The following WNT7B variants were observed in gnomAD, a reference collection of about 807,000 sequenced individuals.
WNT7B encodes Wnt family member 7B, also known as protein Wnt-7b.
A neutral mutation model predicts 38.2 loss-of-function variants in WNT7B; 19 were observed. That is an observed-to-expected ratio of 0.50 (90% CI 0.35 to 0.73). The LOEUF (loss-of-function observed/expected upper bound fraction) is 0.73, where lower values mean the gene tolerates loss of function less well. Among genes scored for constraint, WNT7B ranks in the 30% least tolerant of loss-of-function variants. WNT7B has a pLI of 0.01. For missense variants in WNT7B, 423 were observed against 507.9 expected, an observed-to-expected ratio of 0.83 and a Z score of 1.61; for synonymous variants, 243 against 209.3, an observed-to-expected ratio of 1.16 and a Z score of -1.39.
Position 45,966,301 on chromosome 22 carries a change from T to C in WNT7B, c.71+10383A>G, listed in dbSNP as rs1021900236. Among the ~76,000 whole-genome samples the C allele has an allele frequency of 2.6e-5, 4 of 152,228 alleles. No homozygotes were observed. Among genetic ancestry groups the C allele is most frequent in the African/African-American group, 9.6e-5 (4 of 41,460 alleles). On this transcript the variant is annotated intron_variant, in intron 1 of 3. Transcript: ENST00000339464. This position sits in a 1 kb window ranked among gnomAD's most constrained non-coding sequence, Gnocchi z 4.2. ...TGCCATCTGTCTCACCACGTGGGAC[T>C]GCGCGGGCCTAAGTCTCAGCTCTGG...
intron 1 of WNT7B, among the ~76,000 whole-genome samples, chr22:45,958,685 C>A (rs1269346916): frequency 6.6e-6 from 1 of 152,194 alleles, no homozygotes; most frequent in Admixed American, 6.5e-5. Flanking sequence ...AGGGAGCGAG[C>A]ACGGCTGGAA....
In WNT7B at chr22:45,976,765, G is replaced by T. The variant is rs765199081; in HGVS notation, c.-11C>A. The T allele has an allele frequency of 1.4e-5, 23 of 1,603,364 alleles. No individual in the cohort carries two copies. Among genetic ancestry groups the T allele is most frequent in the Middle Eastern group, 1.7e-4 (1 of 6,030 alleles). On this transcript the variant is annotated 5_prime_UTR_variant, in exon 1 of 4. Transcript: ENST00000339464. This position sits in a 1 kb window ranked among gnomAD's most constrained non-coding sequence, Gnocchi z 8.5. ...AAAGTTTCTGTGCATGATCCAGGGAGGGGGGCTGCGCCATAGACAGCGGCG... is the reference window on the plus strand; with the variant it reads ...AAAGTTTCTGTGCATGATCCAGGGATGGGGGCTGCGCCATAGACAGCGGCG...
At chr22:45,950,255 TCCG>T in intron 1 of WNT7B, 109 bp from the exon 2 acceptor site, 1 of 929,278 alleles carries the variant, frequency 1.1e-6, no homozygotes, top group Non-Finnish European at 1.7e-6. Context: ...CTGCACTAGC[TCCG>T]CCCACCAGGG....
intron 1 of WNT7B, among the ~76,000 whole-genome samples, chr22:45,969,968 C>T (rs898028951): frequency 1.1e-4 from 16 of 152,222 alleles, no homozygotes; most frequent in Admixed American, 9.2e-4. Context: ...CTGGCTGCCT[C>T]CCCCAAGTGC....
At chr22:45,942,961 ATGTG>A (rs551082401) in intron 2 of WNT7B, among the ~76,000 whole-genome samples, 1 of 142,774 alleles carries the variant, frequency 7.0e-6, no homozygotes, top group Non-Finnish European at 1.5e-5. Context: ...TGCAGTGTGC[ATGTG>A]TGTGTGCGTG....
At chr22:45,963,190 C>G (rs1292321726) in intron 1 of WNT7B, among the ~76,000 whole-genome samples, 1 of 152,234 alleles carries the variant, frequency 6.6e-6, no homozygotes, top group African/African-American at 2.4e-5. Context: ...CAGCCCCACA[C>G]AGGTCATCTG....
In WNT7B at chr22:45,931,176, C is replaced by A; in HGVS notation, c.492G>T (p.Arg164=). 1.3e-6 allele frequency: 2 copies of A among 1,599,654 alleles called. No individual in the cohort carries two copies. Among genetic ancestry groups the A allele is most frequent in the African/African-American group, 2.7e-5 (2 of 75,056 alleles). Residue 164 remains arginine (R), a synonymous_variant, in exon 3 of 4, where the codon CGG becomes CGT. Transcript: ENST00000339464. ...ADVRYGIDFS[R]RFVDAREIKK... is the part of the protein sequence containing the mutation. ...TGATCTCCCGAGCGTCCACGAAGCG[C>A]CGGGAGAAGTCGATGCCGTAACGCA... is the stretch of plus-strand genomic sequence containing the variant.
intron 1 of WNT7B, among the ~76,000 whole-genome samples, chr22:45,968,593 G>A (rs145674200): frequency 1.7e-4 from 26 of 152,298 alleles, no homozygotes; most frequent in Middle Eastern, 3.4e-3. Flanking sequence ...GGAGTCCAGC[G>A]TCACCCCAGG....
Position 45,950,584 on chromosome 22 carries a change from TC to T in WNT7B, c.72-439del, listed in dbSNP as rs556336179. Among the ~76,000 whole-genome samples the T allele has an allele frequency of 6.6e-5, 10 of 152,270 alleles. No homozygotes were observed. The South Asian group carries it at 2.1e-3, about 32-fold the overall frequency. On this transcript the variant is annotated intron_variant, in intron 1 of 3. Coordinates refer to ENST00000339464, the MANE Select transcript of WNT7B (RefSeq NM_058238.3). ...TGGGGCTTTCCCCTCATTTATAAAT[TC>T]CCCGATGGCCCCTCCATGGCACCTG... is the stretch of plus-strand genomic sequence containing the variant.
intron 3 of WNT7B, among the ~76,000 whole-genome samples, chr22:45,927,725 A>G (rs1368120810): frequency 1.3e-5 from 2 of 149,696 alleles, no homozygotes; most frequent in African/African-American, 2.5e-5. Flanking sequence ...GTGAAGCCCC[A>G]TCTCTACTAA....
At position 45,975,197 on chromosome 22, in the gene WNT7B, G is replaced by A. The variant is rs1446599307; in HGVS notation, c.71+1487C>T. 1.2e-4 allele frequency among the ~76,000 whole-genome samples: 19 copies of A among 152,158 alleles called. No homozygotes were observed. Among genetic ancestry groups the A allele is most frequent in the Non-Finnish European group, 1.5e-5 (1 of 68,010 alleles). On this transcript the variant is annotated intron_variant, in intron 1 of 3. Coordinates refer to ENST00000339464, the MANE Select transcript of WNT7B (RefSeq NM_058238.3). The surrounding 1 kb of genome is among the most constrained non-coding windows in gnomAD (Gnocchi z 6.6). ...ACTACTCTAGGGGTGCCAGGAGGGGGAAGGCCTCAGCGCTGAGAATCAGGC... is the reference window on the plus strand; with the variant it reads ...ACTACTCTAGGGGTGCCAGGAGGGGAAAGGCCTCAGCGCTGAGAATCAGGC...
chr22:45,928,835 C>G (rs1409319054), intron 3 of WNT7B, among the ~76,000 whole-genome samples: 1 of 151,120 alleles, frequency 6.6e-6, no homozygotes, highest in Non-Finnish European at 1.5e-5. Flanking sequence ...ACCCGGCCAT[C>G]CTGGCCCTGG....
At chr22:45,942,861 G>GTT (rs953361038) in intron 2 of WNT7B, among the ~76,000 whole-genome samples, 2 of 151,662 alleles carry the variant, frequency 1.3e-5, no homozygotes, top group Admixed American at 1.3e-4. Context: ...GGTGCTGTGT[G>GTT]TGTGTGTGTG....
At chr22:45,923,436 C>G in intron 3 of WNT7B, 101 bp from the exon 4 acceptor site, 3 of 1,464,408 alleles carry the variant, frequency 2.0e-6, no homozygotes, top group South Asian at 2.8e-5. Flanking sequence ...GCCCGCTCCT[C>G]CCCTTGGGCT....
chr22:45,925,575 T>C, intron 3 of WNT7B: 1 of 985,214 alleles, frequency 1.0e-6, no homozygotes, highest in Non-Finnish European at 1.2e-6. Context: ...CCCTGCCTCC[T>C]GTCCCTCTCC....
chr22:45,966,978 A>G lies in WNT7B; in HGVS notation c.71+9706T>C, dbSNP rs899850650. ...GAGAACTCACTGCCTCTCTGCCAAC[A>G]GTGGAGCTGACCCAAGCCTCAGGAC... On this transcript the variant is annotated intron_variant, in intron 1 of 3. Transcript: ENST00000339464. The surrounding 1 kb of genome is among the most constrained non-coding windows in gnomAD (Gnocchi z 4.2). 3.9e-5 allele frequency among the ~76,000 whole-genome samples: 6 copies of G among 152,140 alleles called. No homozygotes were observed. The highest frequency in any genetic ancestry group is 7.3e-5 in the Non-Finnish European group (5 of 68,028).
At chr22:45,963,018 C>T (rs1406879058) in intron 1 of WNT7B, among the ~76,000 whole-genome samples, 1 of 152,200 alleles carries the variant, frequency 6.6e-6, no homozygotes, top group African/African-American at 2.4e-5. Flanking sequence ...GCCGAGCCAC[C>T]ACCTCTCTGC....
Position 45,951,328 on chromosome 22 carries a change from C to T in WNT7B, c.72-1182G>A, listed in dbSNP as rs1024364138. Among the ~76,000 whole-genome samples the T allele has an allele frequency of 2.1e-4, 32 of 152,014 alleles. No individual in the cohort carries two copies. The highest frequency in any genetic ancestry group is 6.0e-4 in the African/African-American group (25 of 41,372). On this transcript the variant is annotated intron_variant, in intron 1 of 3. Transcript: ENST00000339464. The surrounding 1 kb of genome is among the most constrained non-coding windows in gnomAD (Gnocchi z 4.8). ...CTGACCTCAGGTCATCTGCCCGCCT[C>T]GGCCTCCCAAAATGCTGGGATTACA...
chr22:45,937,764 C>A (rs984260288), intron 2 of WNT7B, among the ~76,000 whole-genome samples: 1 of 152,232 alleles, frequency 6.6e-6, no homozygotes, highest in Non-Finnish European at 1.5e-5. Flanking sequence ...CCCAGCAGCA[C>A]TTTGGAAGGC....
Sources: gnomAD v4.1 joint callset for allele counts (sites outside exome capture counted in the v4.1 genomes callset) on GRCh38, gnomAD v4.1.1 for gene constraint, Gnocchi (gnomAD v3.1) non-coding constraint, MANE v1.5 for transcripts, NCBI Gene and HGNC (gene_info 2026-07-23, HGNC 2026-07-21) for gene names.